Variants in PDE4D observed in about 807,000 individuals in gnomAD.
PDE4D encodes 3',5'-cyclic-AMP phosphodiesterase 4D.
Under a neutral mutation model 87.4 loss-of-function variants are expected in PDE4D, and 24 were observed. That is an observed-to-expected ratio of 0.27 (90% CI 0.20 to 0.39). PDE4D has a LOEUF of 0.39. Among genes scored for constraint, PDE4D ranks in the 10% least tolerant of loss-of-function variants. The pLI, the probability that PDE4D is intolerant of heterozygous loss-of-function variation, is 1.00. For synonymous variants in PDE4D, 384 were observed against 383.2 expected (o/e 1.00, Z -0.02); for missense variants, 714 against 1,041.0 (o/e 0.69, Z 4.32).
intron 11 of PDE4D, among the ~76,000 whole-genome samples, chr5:58,978,591 G>C (rs940423055): frequency 2.6e-5 from 4 of 152,084 alleles, no homozygotes; most frequent in African/African-American, 9.7e-5. Context: ...GAGCTAGGAA[G>C]GAGAGGAGAG....
At position 59,410,687 on chromosome 5, in the gene PDE4D, G is replaced by A. The variant is rs945042790; in HGVS notation, c.456-194719C>T. On this transcript the variant is annotated intron_variant, in intron 1 of 14. Coordinates refer to ENST00000340635, the MANE Select transcript of PDE4D (RefSeq NM_001104631.2). ...TTACACAATCTCATTCTTTTTTTAT[G>A]GCTGAATAGTACTCCATTGTTTATA... is the stretch of plus-strand genomic sequence containing the variant. 5.3e-5 allele frequency among the ~76,000 whole-genome samples: 8 copies of A among 151,482 alleles called. 1 individual carries two copies. Among genetic ancestry groups the A allele is most frequent in the Admixed American group, 3.3e-4 (5 of 15,160 alleles).
intron 1 of PDE4D, among the ~76,000 whole-genome samples, chr5:59,593,441 T>A (rs1300829599): frequency 1.3e-5 from 2 of 152,236 alleles, no homozygotes; most frequent in Non-Finnish European, 2.9e-5. Context: ...TACTGATTGA[T>A]AATTTAATTA....
intron 1 of PDE4D, among the ~76,000 whole-genome samples, chr5:60,448,036 T>C (rs1745793872): frequency 6.6e-6 from 1 of 152,178 alleles, no homozygotes; most frequent in Admixed American, 6.5e-5. Flanking sequence ...TAAAACTTGC[T>C]TGAATCTATT....
intron 1 of PDE4D, among the ~76,000 whole-genome samples, chr5:59,592,912 C>CAA (rs1826108692): frequency 6.6e-6 from 1 of 151,928 alleles, no homozygotes; most frequent in African/African-American, 2.4e-5. Flanking sequence ...CTGTGAGACA[C>CAA]AATTTCCTTA....
Position 59,212,995 on chromosome 5 carries a change from A to G in PDE4D, c.647+2782T>C, listed in dbSNP as rs552818022. On this transcript the variant is annotated intron_variant, in intron 2 of 14. Coordinates refer to ENST00000340635, the MANE Select transcript of PDE4D (RefSeq NM_001104631.2). ...ATTGATGGCTGTACCTTCTACTTTTACATTCATTCATCTGGAGATGGAGGA... is the reference window on the plus strand; with the variant it reads ...ATTGATGGCTGTACCTTCTACTTTTGCATTCATTCATCTGGAGATGGAGGA... Among the ~76,000 whole-genome samples, 10 of 151,208 alleles carry G rather than the reference A, an allele frequency of 6.6e-5. No homozygotes were observed. In the South Asian group the frequency reaches 1.7e-3, roughly 25 times the overall value.
intron 1 of PDE4D, among the ~76,000 whole-genome samples, chr5:59,309,056 C>T (rs1260980503): frequency 1.3e-5 from 2 of 152,136 alleles, no homozygotes; most frequent in Non-Finnish European, 2.9e-5. Context: ...CCTCACTCTG[C>T]TTCCACGCAA....
intron 5 of PDE4D, chr5:59,039,407 C>G (rs1580458374): frequency 1.0e-6 from 1 of 1,002,266 alleles, no homozygotes; most frequent in Non-Finnish European, 1.2e-6. Flanking sequence ...CGGATCTCCT[C>G]GGTCCCCAAC....
chr5:59,419,891 A>G (rs1453198211), intron 1 of PDE4D, among the ~76,000 whole-genome samples: 1 of 152,156 alleles, frequency 6.6e-6, no homozygotes, highest in Non-Finnish European at 1.5e-5. Flanking sequence ...GAATCACCCA[A>G]TGTAAGGCAA....
chr5:60,012,773 A>C (rs1434796839), intron 2 of PDE4D, among the ~76,000 whole-genome samples: 4 of 152,162 alleles, frequency 2.6e-5, no homozygotes, highest in African/African-American at 9.6e-5. Context: ...AGATCATTGA[A>C]ATAATTGAAG....
At chr5:60,053,685 A>G in intron 2 of PDE4D, among the ~76,000 whole-genome samples, 1 of 152,324 alleles carries the variant, frequency 6.6e-6, no homozygotes, top group Non-Finnish European at 1.5e-5. Context: ...GCCAAAATTG[A>G]CAAATGGAAT....
chr5:59,616,943 A>ATATATATATATATC (rs1351290068), intron 1 of PDE4D, among the ~76,000 whole-genome samples: 1 of 139,162 alleles, frequency 7.2e-6, no homozygotes, highest in Non-Finnish European at 1.6e-5. Context: ...ATATATATAT[A>ATATATATATATATC]TATCTCCAAG....
intron 1 of PDE4D, among the ~76,000 whole-genome samples, chr5:59,278,474 A>C (rs1461666194): frequency 6.6e-6 from 1 of 152,058 alleles, no homozygotes; most frequent in African/African-American, 2.4e-5. Context: ...TCTGGTTGTT[A>C]CCACATTTCA....
chr5:59,174,178 T>C (rs1404856821), intron 5 of PDE4D, among the ~76,000 whole-genome samples: 1 of 152,228 alleles, frequency 6.6e-6, no homozygotes, highest in Non-Finnish European at 1.5e-5. Flanking sequence ...AACAAACATA[T>C]AAGATTAAAT....
At chr5:59,400,653 C>A (rs1293492211) in intron 1 of PDE4D, among the ~76,000 whole-genome samples, 2 of 151,056 alleles carry the variant, frequency 1.3e-5, no homozygotes, top group Non-Finnish European at 2.9e-5. Flanking sequence ...TTAGTGGGTG[C>A]AGCACACCAG....
intron 1 of PDE4D, among the ~76,000 whole-genome samples, chr5:59,393,504 A>G (rs1166579198): frequency 6.6e-6 from 1 of 152,182 alleles, no homozygotes; most frequent in African/African-American, 2.4e-5. Context: ...AGTGTGTTGA[A>G]TCTGGCTGCT....
At chr5:59,640,051 A>G (rs1741313104) in intron 1 of PDE4D, among the ~76,000 whole-genome samples, 1 of 152,188 alleles carries the variant, frequency 6.6e-6, no homozygotes, top group Non-Finnish European at 1.5e-5. Context: ...GGAAAAAGTT[A>G]TTGAAAAGTA....
chr5:59,441,164 G>A (rs187369314), intron 1 of PDE4D, among the ~76,000 whole-genome samples: 3 of 151,420 alleles, frequency 2.0e-5, no homozygotes, highest in East Asian at 3.9e-4. Flanking sequence ...GTGTGATCTC[G>A]GCTCATTGCA....
chr5:60,312,260 A>C (rs924228255), intron 1 of PDE4D, among the ~76,000 whole-genome samples: 3 of 152,206 alleles, frequency 2.0e-5, no homozygotes, highest in African/African-American at 7.2e-5. Flanking sequence ...TCTCATCTGC[A>C]CATGGTACAT....
chr5:59,979,421 G>GGTGTGTGTGTGTGTGTGTGTGTGTGT (rs60199601), intron 3 of PDE4D, among the ~76,000 whole-genome samples: 2 of 147,630 alleles, frequency 1.4e-5, no homozygotes, highest in Non-Finnish European at 3.0e-5. Context: ...CACAGCAAGG[G>GGTGTGTGTGTGTGTGTGTGTGTGTGT]GTGTGTGTGT....
Sources: gnomAD v4.1 joint callset for allele counts (sites outside exome capture counted in the v4.1 genomes callset) on GRCh38, gnomAD v4.1.1 for gene constraint, MANE v1.5 for transcripts, NCBI Gene and HGNC (gene_info 2026-07-23, HGNC 2026-07-21) for gene names.